TF: variants seen among roughly 807,000 people sequenced by gnomAD.
The protein encoded by TF is serotransferrin.
A neutral mutation model predicts 82.4 loss-of-function variants in TF; 55 were observed. That is an observed-to-expected ratio of 0.67 (90% CI 0.54 to 0.84). The LOEUF (loss-of-function observed/expected upper bound fraction) is 0.84, where lower values mean the gene tolerates loss of function less well. TF is among the 40% of genes least tolerant of loss of function. The pLI, the probability that TF is intolerant of heterozygous loss-of-function variation, is 0.00. For missense variants in TF, 737 were observed against 868.4 expected, an observed-to-expected ratio of 0.85 and a Z score of 1.90; for synonymous variants, 332 against 332.6, an observed-to-expected ratio of 1.00 and a Z score of 0.02.
At chr3:133,679,475 C>G in the TF span, among the ~76,000 whole-genome samples, 1 of 152,028 alleles carries the variant, frequency 6.6e-6, no homozygotes, top group Non-Finnish European at 1.5e-5. Flanking sequence ...CAAAATGCCC[C>G]CAGTCATTCC....
At chr3:133,735,071 G>T in the TF span, among the ~76,000 whole-genome samples, 1 of 152,224 alleles carries the variant, frequency 6.6e-6, no homozygotes. Context: ...ATGATAATAA[G>T]AAAAAATTGT....
At chr3:133,671,480 A>G in the TF span, among the ~76,000 whole-genome samples, 1 of 152,134 alleles carries the variant, frequency 6.6e-6, no homozygotes, top group Non-Finnish European at 1.5e-5. Flanking sequence ...AACTGCCTTA[A>G]AAGAAAAAAA....
At chr3:133,668,235 A>G in the TF span, among the ~76,000 whole-genome samples, 21,863 of 152,216 alleles carry the variant, frequency 0.14, 1,879 homozygotes, top group Non-Finnish European at 0.2. Flanking sequence ...TCAGACTTTG[A>G]TTTAATCCTC....
chr3:133,763,098 T>C (rs1934037218), intron 9 of TF, among the ~76,000 whole-genome samples: 1 of 152,236 alleles, frequency 6.6e-6, no homozygotes. Context: ...AGGAGTTTTC[T>C]GAATCATAGT....
the TF span, among the ~76,000 whole-genome samples, chr3:133,724,650 T>G: frequency 6.6e-6 from 1 of 152,324 alleles, no homozygotes; most frequent in African/African-American, 2.4e-5. Context: ...GCAGAAGCTC[T>G]TTAGTTTAAT....
the TF span, among the ~76,000 whole-genome samples, chr3:133,738,753 C>T: frequency 6.6e-6 from 1 of 152,170 alleles, no homozygotes; most frequent in Non-Finnish European, 1.5e-5. Context: ...ATACAACTTA[C>T]AAGGGATGTG....
chr3:133,716,648 T>C, the TF span, among the ~76,000 whole-genome samples: 1 of 152,124 alleles, frequency 6.6e-6, no homozygotes, highest in Non-Finnish European at 1.5e-5. Flanking sequence ...CTTGTCCCAC[T>C]CTCCTCCACA....
At chr3:133,744,747 G>C (rs1933457969), upstream of TF, among the ~76,000 whole-genome samples, 1 of 152,222 alleles carries the variant, frequency 6.6e-6, no homozygotes, top group South Asian at 2.1e-4. Flanking sequence ...GGACTCTAAA[G>C]TGGGAGGTAT....
At chr3:133,722,601 G>C in the TF span, among the ~76,000 whole-genome samples, 1 of 152,066 alleles carries the variant, frequency 6.6e-6, no homozygotes, top group Non-Finnish European at 1.5e-5. Context: ...TGGGGCTAAT[G>C]TCAGTCTTGT....
At chr3:133,775,003 T>TGCA (rs1934350736) in intron 14 of TF, 2 of 337,190 alleles carry the variant, frequency 5.9e-6, no homozygotes, top group African/African-American at 4.3e-5. Flanking sequence ...TGGTGCAGAT[T>TGCA]CCAAAGGTGT....
intron 7 of TF, 100 bp from the exon 8 acceptor site, chr3:133,757,669 T>C: frequency 8.1e-7 from 1 of 1,234,110 alleles, no homozygotes; most frequent in Admixed American, 1.8e-5. Context: ...CTTGAACTTT[T>C]TCATGTTGTT....
chr3:133,715,286 A>G, the TF span, among the ~76,000 whole-genome samples: 2 of 152,050 alleles, frequency 1.3e-5, no homozygotes, highest in African/African-American at 4.8e-5. Context: ...TATTTCTCCT[A>G]AGAAAAGAAA....
rs779030217 is a variant in TF, at chr3:133,754,602, G to A, written c.433G>A (p.Ala145Thr). The change falls in exon 4 of 17, where the codon GCT becomes ACT. Residue 145 changes from alanine (A) to threonine (T), a missense_variant. Transcript: ENST00000402696. ...CTGCCACACGGGTCTAGGCAGGTCC[G>A]CTGGGTGGAACATCCCCATAGGCTT... is the stretch of plus-strand genomic sequence containing the variant. ...KSCHTGLGRSAGWNIPIGLLY... is the reference protein window; with the variant it reads ...KSCHTGLGRSTGWNIPIGLLY... 25 of 1,614,090 alleles carry A rather than the reference G, an allele frequency of 1.5e-5. No homozygotes were observed. The highest frequency in any genetic ancestry group is 8.0e-5 in the African/African-American group (6 of 74,922).
At chr3:133,719,332 A>T in the TF span, among the ~76,000 whole-genome samples, 19 of 152,300 alleles carry the variant, frequency 1.2e-4, no homozygotes, top group African/African-American at 2.6e-4. Context: ...TTAGTATTTA[A>T]AATAAGGACC....
chr3:133,678,086 C>T, the TF span, among the ~76,000 whole-genome samples: 1 of 152,130 alleles, frequency 6.6e-6, no homozygotes, highest in African/African-American at 2.4e-5. Flanking sequence ...GTTCAACTCC[C>T]ATTTATGAGT....
rs1278645549 is a variant in TF, at chr3:133,777,154, C to T, written c.1978C>T (p.Leu660Phe). 6.2e-7 allele frequency: 1 copy of T among 1,614,028 alleles called. No homozygotes were observed. Among genetic ancestry groups the T allele is most frequent in the African/African-American group, 1.3e-5 (1 of 74,902 alleles). Residue 660 changes from leucine to phenylalanine, a missense_variant, in exon 16 of 17, where the codon CTT becomes TTT. Transcript: ENST00000402696. ...AGATGACACAGTATGTTTGGCCAAA[C>T]TTCATGACAGAAACACATATGAAAA... is the stretch of plus-strand genomic sequence containing the variant. Reference protein sequence around the residue: ...FRDDTVCLAKLHDRNTYEKYL... With the variant: ...FRDDTVCLAKFHDRNTYEKYL...
In TF at chr3:133,782,866, C is replaced by T. The variant is rs1239515911; in HGVS notation, c.*4246C>T. 2 of 150,902 alleles carry T rather than the reference C, an allele frequency of 1.3e-5. No homozygotes were observed. Among genetic ancestry groups the T allele is most frequent in the Non-Finnish European group, 1.5e-5 (1 of 67,772 alleles). 9.3% of individuals were successfully genotyped at this position (150,902 alleles called of 1,614,324 possible). A position where few individuals can be genotyped will look rare whatever the true frequency, so the allele number is the denominator to read the frequency against. ...CAAACAAACAAGCAAACAAAACACA[C>T]ACACACAAAAAAAATTAGCGAGGAG... On this transcript the variant is annotated 3_prime_UTR_variant, in exon 17 of 17. Transcript: ENST00000402696.
At chr3:133,736,434 G>A in the TF span, among the ~76,000 whole-genome samples, 1 of 151,918 alleles carries the variant, frequency 6.6e-6, no homozygotes, top group Non-Finnish European at 1.5e-5. Context: ...ATAATGACAG[G>A]ATCAAATTCA....
At chr3:133,682,256 A>G in the TF span, among the ~76,000 whole-genome samples, 1 of 152,252 alleles carries the variant, frequency 6.6e-6, no homozygotes. Flanking sequence ...GAGAGAAACC[A>G]GAGCAGAAAA....
Sources: allele counts gnomAD v4.1 joint callset (sites outside exome capture counted in the v4.1 genomes callset), GRCh38; gene constraint gnomAD v4.1.1; transcripts MANE v1.5; gene names NCBI Gene and HGNC (gene_info 2026-07-23, HGNC 2026-07-21).